Variants in FITM2 observed in about 807,000 individuals in gnomAD.
FITM2 encodes fat storage inducing transmembrane protein 2, also known as acyl-coenzyme A diphosphatase FITM2.
A neutral mutation model predicts 23.3 loss-of-function variants in FITM2; 16 were observed. The ratio of observed to expected loss-of-function variants is 0.69; its 90% confidence interval spans 0.47 to 1.05. The LOEUF (loss-of-function observed/expected upper bound fraction) is 1.05. FITM2 is among the 50% of genes least tolerant of loss of function. The probability of loss-of-function intolerance (pLI) is 0.00; values close to 1 mark genes in which losing one functional copy is unlikely to be tolerated. For synonymous variants in FITM2, 132 were observed against 142.0 expected (o/e 0.93, Z 0.50); for missense variants, 273 against 327.5 (o/e 0.83, Z 1.29).
At chr20:44,310,211 T>C (rs1424301049) in intron 1 of FITM2, among the ~76,000 whole-genome samples, 1 of 152,244 alleles carries the variant, frequency 6.6e-6, no homozygotes, top group Non-Finnish European at 1.5e-5. Flanking sequence ...AGCAGTTTTA[T>C]CTTTCAGAGT....
At position 44,303,641 on chromosome 20, in the gene FITM2, T is replaced by C. The variant is rs1378553785; in HGVS notation, c.*2984A>G. On this transcript the variant is annotated 3_prime_UTR_variant, in exon 2 of 2. Transcript: ENST00000396825. The stretch of plus-strand genomic sequence containing the variant: ...ACACTTTGGAGAGCCTTTTTTTTTT[T>C]TGAGACAGAGTCTCACTCTGTCGCT... The C allele has an allele frequency of 6.6e-6, 1 of 152,020 alleles. No individual in the cohort carries two copies. Among genetic ancestry groups the C allele is most frequent in the African/African-American group, 2.4e-5 (1 of 41,356 alleles). The allele number at this position is 152,020 out of a possible 1,614,324, so 9.4% of individuals were successfully genotyped here. A position where few individuals can be genotyped will look rare whatever the true frequency, so the allele number is the denominator to read the frequency against.
intron 1 of FITM2, among the ~76,000 whole-genome samples, chr20:44,309,845 C>T (rs997096909): frequency 6.6e-6 from 1 of 152,204 alleles, no homozygotes; most frequent in Non-Finnish European, 1.5e-5. Context: ...TCCGCCTCCC[C>T]AGCGTTCACG....
Position 44,307,116 on chromosome 20 carries a change from C to G in FITM2, c.298G>C (p.Gly100Arg), listed in dbSNP as rs750030975. The stretch of plus-strand genomic sequence containing the variant: ...GTGCAGATGTACCAGATGGCCGTGC[C>G]CACAAGCAGGGTGCTCAGCCGCCGC... The part of the protein sequence containing the change: ...VLRRLSTLLV[G>R]TAIWYICTSI... The change falls in exon 2 of 2, where the codon GGC (glycine) becomes CGC (arginine). Residue 100 changes from glycine to arginine, a missense_variant. Transcript: ENST00000396825. 4 of 1,614,184 alleles carry G rather than the reference C, an allele frequency of 2.5e-6. No homozygotes were observed. The highest frequency in any genetic ancestry group is 3.4e-6 in the Non-Finnish European group (4 of 1,180,028).
chr20:44,310,001 A>C (rs571149250), intron 1 of FITM2, among the ~76,000 whole-genome samples: 177 of 152,288 alleles, frequency 1.2e-3, no homozygotes, highest in African/African-American at 4.1e-3. Flanking sequence ...ATGGATTCTC[A>C]GGCACCACCC....
At position 44,306,123 on chromosome 20, in the gene FITM2, T is replaced by G; in HGVS notation, c.*502A>C. ...ACAGGCTGGTCTCGAACTCCCAATCTCAGGTGATCCGCCTGCCTCGGCCTC... is the reference window on the plus strand; with the variant it reads ...ACAGGCTGGTCTCGAACTCCCAATCGCAGGTGATCCGCCTGCCTCGGCCTC... On this transcript the variant is annotated 3_prime_UTR_variant, in exon 2 of 2. Coordinates refer to ENST00000396825, the MANE Select transcript of FITM2 (RefSeq NM_001080472.4). The G allele has an allele frequency of 1.2e-5, 2 of 160,790 alleles. No individual in the cohort carries two copies. Among genetic ancestry groups the G allele is most frequent in the South Asian group, 1.7e-4 (1 of 5,904 alleles). 10.0% of individuals were successfully genotyped at this position (160,790 alleles called of 1,614,324 possible).
rs751008744 is a variant in FITM2, at chr20:44,307,126, G to C, written c.288C>G (p.Thr96=). 50 of 1,614,074 alleles carry C rather than the reference G, an allele frequency of 3.1e-5. No homozygotes were observed. The highest frequency in any genetic ancestry group is 3.0e-5 in the Non-Finnish European group (35 of 1,180,044). ...KAGLVLRRLS[T]LLVGTAIWYI... ...ACCAGATGGCCGTGCCCACAAGCAGGGTGCTCAGCCGCCGCAGGACCAAGC... is the reference window on the plus strand; with the variant it reads ...ACCAGATGGCCGTGCCCACAAGCAGCGTGCTCAGCCGCCGCAGGACCAAGC... The change falls in exon 2 of 2, where the codon ACC becomes ACG. Residue 96 remains threonine (T), a synonymous_variant. Coordinates refer to ENST00000396825, the MANE Select transcript of FITM2 (RefSeq NM_001080472.4).
At position 44,307,224 on chromosome 20, in the gene FITM2, C is replaced by A. The variant is rs369369592; in HGVS notation, c.190G>T (p.Ala64Ser). 3.0e-5 allele frequency: 49 copies of A among 1,613,716 alleles called. No homozygotes were observed. The highest frequency in any genetic ancestry group is 4.0e-5 in the Non-Finnish European group (47 of 1,179,846). The change falls in exon 2 of 2, where the codon GCC (alanine) becomes TCC (serine). Residue 64 changes from alanine to serine, a missense_variant. Physicochemically the swap from Ala to Ser is moderately conservative, Grantham distance 99. Around this residue, in one of 3 missense-constraint regions of FITM2, gnomAD observed 123 missense variants for 117.9 expected, o/e 1.04. Coordinates refer to ENST00000396825, the MANE Select transcript of FITM2 (RefSeq NM_001080472.4). ...AGGAGACAGAACGTCCAGGCCCAGGCCACTTTGACAAAATACCTGACAGAG... is the reference window on the plus strand; with the variant it reads ...AGGAGACAGAACGTCCAGGCCCAGGACACTTTGACAAAATACCTGACAGAG... ...NVLNVYFVKV[A>S]WAWTFCLLLP...
At chr20:44,307,982 G>A (rs993821094) in intron 1 of FITM2, among the ~76,000 whole-genome samples, 2 of 152,050 alleles carry the variant, frequency 1.3e-5, no homozygotes, top group Non-Finnish European at 2.9e-5. Flanking sequence ...AACTACTCGG[G>A]AGGCTGAGGC....
intron 1 of FITM2, among the ~76,000 whole-genome samples, chr20:44,308,090 A>T (rs2062695792): frequency 6.6e-6 from 1 of 152,050 alleles, no homozygotes; most frequent in Non-Finnish European, 1.5e-5. Flanking sequence ...CCATCTCAAA[A>T]ACAAAACAAA....
intron 1 of FITM2, among the ~76,000 whole-genome samples, chr20:44,309,553 T>C (rs1016522970): frequency 5.3e-5 from 8 of 152,162 alleles, no homozygotes; most frequent in African/African-American, 1.9e-4. Flanking sequence ...GGTTCAAATC[T>C]TCACTCTTAC....
intron 1 of FITM2, among the ~76,000 whole-genome samples, chr20:44,309,072 G>A (rs1284924363): frequency 2.7e-5 from 4 of 150,880 alleles, no homozygotes; most frequent in African/African-American, 9.8e-5. Context: ...TCGGCTCACT[G>A]CAACCTCCGC....
chr20:44,310,833 G>T, intron 1 of FITM2, 143 bp downstream of exon 1: 1 of 1,180,920 alleles, frequency 8.5e-7, no homozygotes, highest in Non-Finnish European at 1.2e-6. Context: ...GGCGTGACAC[G>T]CGTGCAGATG....
Position 44,306,789 on chromosome 20 carries a change from T to C in FITM2, c.625A>G (p.Thr209Ala). ...TFIWVLMFLC[T>A]AVYFHNLSQK... ...GACAAGTTGTGGAAATAAACAGCTG[T>C]GCACAGAAACATCAACACCCAGATG... Residue 209 changes from threonine (T) to alanine (A), a missense_variant, in exon 2 of 2, where the codon ACA becomes GCA. By Grantham distance (58) the Thr-to-Ala change is moderately conservative. Coordinates refer to ENST00000396825, the MANE Select transcript of FITM2 (RefSeq NM_001080472.4). 1 of 1,614,094 alleles carries C rather than the reference T, an allele frequency of 6.2e-7. No individual in the cohort carries two copies. The highest frequency in any genetic ancestry group is 8.5e-7 in the Non-Finnish European group (1 of 1,180,034).
At position 44,311,141 on chromosome 20, in the gene FITM2, T is replaced by G. The variant is rs1345542358; in HGVS notation, c.8A>C (p.His3Pro). ME[H>P]LERCEWLLRG... ...CAACAACCACTCGCAGCGCTCCAGA[T>G]GCTCCATGCCGGATCTCGTCAGCCA... Residue 3 changes from histidine (H) to proline (P), a missense_variant, in exon 1 of 2, where the codon CAT becomes CCT. By Grantham distance (77) the His-to-Pro change is moderately conservative (BLOSUM62 -2). Transcript: ENST00000396825. The G allele has an allele frequency of 6.2e-7, 1 of 1,612,380 alleles. No individual in the cohort carries two copies.
At position 44,303,771 on chromosome 20, in the gene FITM2, T is replaced by A. The variant is rs772005047; in HGVS notation, c.*2854A>T. The A allele has an allele frequency of 6.6e-6, 1 of 152,100 alleles. No homozygotes were observed. Among genetic ancestry groups the A allele is most frequent in the Non-Finnish European group, 1.5e-5 (1 of 68,080 alleles). 9.4% of individuals were successfully genotyped at this position (152,100 alleles called of 1,614,324 possible). On this transcript the variant is annotated 3_prime_UTR_variant, in exon 2 of 2. Coordinates refer to ENST00000396825, the MANE Select transcript of FITM2 (RefSeq NM_001080472.4). ...TCCCGAGTAGCTGGGATTACAGGCGTGTACCACCACACCTGGCTAATTTTT... is the reference window on the plus strand; with the variant it reads ...TCCCGAGTAGCTGGGATTACAGGCGAGTACCACCACACCTGGCTAATTTTT...
rs2062682260 is a variant in FITM2, at chr20:44,303,533, TG to T, written c.*3091del. On this transcript the variant is annotated 3_prime_UTR_variant, in exon 2 of 2. Coordinates refer to ENST00000396825, the MANE Select transcript of FITM2 (RefSeq NM_001080472.4). Reference sequence around the variant, plus strand: ...GTGCTGAGCCCGCATCAGACCCACGTGGGATAAATATCTGGAGATTTAAGTG... The same window carrying T: ...GTGCTGAGCCCGCATCAGACCCACGTGGATAAATATCTGGAGATTTAAGTG... 6.6e-6 allele frequency: 1 copy of T among 152,134 alleles called. No individual in the cohort carries two copies. The highest frequency in any genetic ancestry group is 2.4e-5 in the African/African-American group (1 of 41,408). 9.4% of individuals were successfully genotyped at this position (152,134 alleles called of 1,614,324 possible).
rs1487629190 is a variant in FITM2, at chr20:44,303,768, G to A, written c.*2857C>T. On this transcript the variant is annotated 3_prime_UTR_variant, in exon 2 of 2. Transcript: ENST00000396825. ...GCCTCCCGAGTAGCTGGGATTACAGGCGTGTACCACCACACCTGGCTAATT... is the reference window on the plus strand; with the variant it reads ...GCCTCCCGAGTAGCTGGGATTACAGACGTGTACCACCACACCTGGCTAATT... 6.6e-6 allele frequency: 1 copy of A among 152,168 alleles called. No individual in the cohort carries two copies. The highest frequency in any genetic ancestry group is 1.5e-5 in the Non-Finnish European group (1 of 68,130). 9.4% of individuals were successfully genotyped at this position (152,168 alleles called of 1,614,324 possible). A position where few individuals can be genotyped will look rare whatever the true frequency, so the allele number is the denominator to read the frequency against.
chr20:44,311,141 T>A lies in FITM2; in HGVS notation c.8A>T (p.His3Leu), dbSNP rs1345542358. MEHLERCEWLLRG... is the reference protein window; with the variant it reads MELLERCEWLLRG... ...CAACAACCACTCGCAGCGCTCCAGA[T>A]GCTCCATGCCGGATCTCGTCAGCCA... The change falls in exon 1 of 2, where the codon CAT becomes CTT. Residue 3 changes from histidine to leucine, a missense_variant. By Grantham distance (99) the His-to-Leu change is moderately conservative. Around this residue, in one of 3 missense-constraint regions of FITM2, gnomAD observed 123 missense variants for 117.9 expected, o/e 1.04. Transcript: ENST00000396825. 3 of 1,612,380 alleles carry A rather than the reference T, an allele frequency of 1.9e-6. No homozygotes were observed. Among genetic ancestry groups the A allele is most frequent in the Non-Finnish European group, 2.5e-6 (3 of 1,179,168 alleles).
rs1458075213 is a variant in FITM2 at position 44,310,863 on chromosome 20, G to A, written c.173+113C>T. 7 of 1,378,198 alleles carry A rather than the reference G, an allele frequency of 5.1e-6. No homozygotes were observed. In the East Asian group the frequency reaches 1.0e-4, roughly 20 times the overall value. 85.4% of individuals were successfully genotyped at this position (1,378,198 alleles called of 1,614,324 possible). A position where few individuals can be genotyped will look rare whatever the true frequency, so the allele number is the denominator to read the frequency against. On this transcript the variant is annotated intron_variant, in intron 1 of 1. Coordinates refer to ENST00000396825, the MANE Select transcript of FITM2 (RefSeq NM_001080472.4). ...CAGATGCTGCTGTCACGGCTAGGAG[G>A]AGGACCTCCCCTCCAATGACTCGTC...
Sources: allele counts gnomAD v4.1 joint callset (sites outside exome capture counted in the v4.1 genomes callset), GRCh38; gene constraint gnomAD v4.1.1; regional missense constraint gnomAD v4.1.1; transcripts MANE v1.5; gene names NCBI Gene and HGNC (gene_info 2026-07-23, HGNC 2026-07-21).